Variants in TMEM117 observed in about 807,000 individuals in gnomAD.
TMEM117 encodes the protein transmembrane protein 117.
A neutral mutation model predicts 52.4 loss-of-function variants in TMEM117; 27 were observed. That is an observed-to-expected ratio of 0.51 (90% CI 0.38 to 0.71). The LOEUF (loss-of-function observed/expected upper bound fraction) is 0.71, where lower values mean the gene tolerates loss of function less well. TMEM117 is among the 30% of genes least tolerant of loss of function. The pLI, the probability that TMEM117 is intolerant of heterozygous loss-of-function variation, is 0.00. For missense variants in TMEM117, 556 were observed against 630.5 expected, an observed-to-expected ratio of 0.88 and a Z score of 1.26; for synonymous variants, 215 against 206.3, an observed-to-expected ratio of 1.04 and a Z score of -0.36.
chr12:43,944,075 C>T (rs1945088320), intron 2 of TMEM117, 135 bp from the exon 3 acceptor site: 1 of 683,176 alleles, frequency 1.5e-6, no homozygotes, highest in African/African-American at 1.8e-5. Flanking sequence ...TATATTGTGG[C>T]TTCACTCATA....
At chr12:43,953,902 G>A (rs947445740) in intron 3 of TMEM117, among the ~76,000 whole-genome samples, 3 of 152,086 alleles carry the variant, frequency 2.0e-5, no homozygotes, top group African/African-American at 7.2e-5. Context: ...CAAATAACTG[G>A]AAGTAAAACA....
chr12:43,861,982 T>G (rs915070377), intron 2 of TMEM117, among the ~76,000 whole-genome samples: 1 of 152,188 alleles, frequency 6.6e-6, no homozygotes, highest in South Asian at 2.1e-4. Flanking sequence ...AGGGGTGATG[T>G]GTGGCATTTC....
intron 2 of TMEM117, among the ~76,000 whole-genome samples, chr12:43,857,313 C>CTTTTTTTT (rs10625731): frequency 7.4e-5 from 11 of 148,142 alleles, no homozygotes; most frequent in Admixed American, 6.7e-5. Flanking sequence ...TTTCTAGGTA[C>CTTTTTTTT]TTTTTTTTTT....
intron 5 of TMEM117, among the ~76,000 whole-genome samples, chr12:44,241,993 T>A (rs1162851775): frequency 6.6e-6 from 1 of 151,992 alleles, no homozygotes; most frequent in Non-Finnish European, 1.5e-5. Context: ...AATAAGTTTA[T>A]GTTACTTACA....
chr12:43,831,688 T>C (rs1942983468), upstream of TMEM117, among the ~76,000 whole-genome samples: 1 of 151,980 alleles, frequency 6.6e-6, no homozygotes, highest in African/African-American at 2.4e-5. Flanking sequence ...GGACTATAGG[T>C]GCGCACCACC....
chr12:43,890,807 G>C (rs1944089938), intron 2 of TMEM117, among the ~76,000 whole-genome samples: 1 of 152,126 alleles, frequency 6.6e-6, no homozygotes. Flanking sequence ...TGGGATTACA[G>C]GTGTGAGCCA....
At chr12:43,889,652 C>CT (rs1406927560) in intron 2 of TMEM117, among the ~76,000 whole-genome samples, 14 of 151,774 alleles carry the variant, frequency 9.2e-5, no homozygotes, top group South Asian at 8.3e-4. Context: ...TAGGATTTAT[C>CT]TTTTTTTTTA....
At chr12:43,806,047 G>T in the TMEM117 span, 4 of 1,518,822 alleles carry the variant, frequency 2.6e-6, no homozygotes, top group Non-Finnish European at 3.5e-6. Flanking sequence ...GAGGACGCAG[G>T]CCGGCAGCGC....
chr12:44,105,205 A>G (rs1947932141), intron 3 of TMEM117, among the ~76,000 whole-genome samples: 1 of 151,028 alleles, frequency 6.6e-6, no homozygotes. Flanking sequence ...GTAAGTTTCT[A>G]TTGACATAGC....
intron 4 of TMEM117, among the ~76,000 whole-genome samples, chr12:44,180,588 G>C (rs200738377): frequency 6.9e-6 from 1 of 144,122 alleles, no homozygotes; most frequent in South Asian, 2.2e-4. Flanking sequence ...CCACCTATGA[G>C]TGAGAATATG....
intron 5 of TMEM117, among the ~76,000 whole-genome samples, chr12:44,219,103 A>C (rs1338053968): frequency 6.6e-6 from 1 of 152,194 alleles, no homozygotes; most frequent in Non-Finnish European, 1.5e-5. Flanking sequence ...TATGTAAAGG[A>C]AGACAAAATA....
At chr12:44,361,253 C>T (rs977562455) in intron 6 of TMEM117, among the ~76,000 whole-genome samples, 4 of 152,130 alleles carry the variant, frequency 2.6e-5, no homozygotes, top group African/African-American at 9.7e-5. Flanking sequence ...CATCCTACTC[C>T]TGTAATACAG....
intron 2 of TMEM117, among the ~76,000 whole-genome samples, chr12:43,860,692 G>A (rs948924131): frequency 1.3e-5 from 2 of 152,122 alleles, no homozygotes; most frequent in Non-Finnish European, 2.9e-5. Context: ...CTGGAGCAGA[G>A]GGAACAGAAA....
chr12:43,992,972 ATATAT>A (rs542018560), intron 3 of TMEM117, among the ~76,000 whole-genome samples: 2 of 152,316 alleles, frequency 1.3e-5, no homozygotes, highest in South Asian at 4.1e-4. Context: ...CTCACTAAAT[ATATAT>A]TGAATGAATA....
chr12:44,160,808 A>C (rs1948888478), intron 4 of TMEM117, among the ~76,000 whole-genome samples: 1 of 152,204 alleles, frequency 6.6e-6, no homozygotes, highest in African/African-American at 2.4e-5. Flanking sequence ...TTTCTAAAAA[A>C]AGAAATTACC....
At chr12:44,010,664 T>TA (rs1285375519) in intron 3 of TMEM117, among the ~76,000 whole-genome samples, 1 of 152,256 alleles carries the variant, frequency 6.6e-6, no homozygotes, top group Non-Finnish European at 1.5e-5. Flanking sequence ...CTTGTTTTCT[T>TA]ACCTTTTTAG....
chr12:43,902,935 C>G (rs1251968224), intron 2 of TMEM117, among the ~76,000 whole-genome samples: 8 of 151,866 alleles, frequency 5.3e-5, no homozygotes, highest in Non-Finnish European at 1.2e-4. Flanking sequence ...AATTATTTTT[C>G]CTAAAATTAT....
chr12:44,116,379 A>G (rs1437116152), intron 3 of TMEM117, among the ~76,000 whole-genome samples: 1 of 151,964 alleles, frequency 6.6e-6, no homozygotes, highest in South Asian at 2.1e-4. Flanking sequence ...GTGGAATTTC[A>G]CCTACTATTA....
chr12:44,195,889 A>AAAATAAATAAAT (rs71091196), intron 4 of TMEM117, among the ~76,000 whole-genome samples: 12 of 136,536 alleles, frequency 8.8e-5, no homozygotes, highest in East Asian at 4.2e-4. Flanking sequence ...CCCTGTCTCT[A>AAAATAAATAAAT]AAATAAATAA....
Sources: allele counts gnomAD v4.1 joint callset (sites outside exome capture counted in the v4.1 genomes callset), GRCh38; gene constraint gnomAD v4.1.1; transcripts MANE v1.5; gene names NCBI Gene and HGNC (gene_info 2026-07-23, HGNC 2026-07-21).